The following SAMD4A variants were observed in gnomAD, a reference collection of about 807,000 sequenced individuals.
SAMD4A encodes protein Smaug homolog 1.
A neutral mutation model predicts 81.3 loss-of-function variants in SAMD4A; 33 were observed. The ratio of observed to expected loss-of-function variants is 0.41; its 90% confidence interval spans 0.31 to 0.54. The LOEUF (loss-of-function observed/expected upper bound fraction) is 0.54. Among genes scored for constraint, SAMD4A ranks in the 20% least tolerant of loss-of-function variants. The probability of loss-of-function intolerance (pLI) is 0.37; values close to 1 mark genes in which losing one functional copy is unlikely to be tolerated. For synonymous variants in SAMD4A, 389 were observed against 382.1 expected, an observed-to-expected ratio of 1.02 and a Z score of -0.21; for missense variants, 854 against 951.1, an observed-to-expected ratio of 0.90 and a Z score of 1.34.
chr14:54,735,842 G>GA (rs1245223891), intron 3 of SAMD4A, among the ~76,000 whole-genome samples: 3 of 152,232 alleles, frequency 2.0e-5, no homozygotes, highest in Non-Finnish European at 4.4e-5. Flanking sequence ...TCTGCTTACT[G>GA]AAAAACACAG....
At chr14:54,631,846 A>C (rs1325311325) in intron 2 of SAMD4A, among the ~76,000 whole-genome samples, 1 of 152,220 alleles carries the variant, frequency 6.6e-6, no homozygotes, top group Non-Finnish European at 1.5e-5. Context: ...TATACTAAGA[A>C]ACTTAAGTGT....
At chr14:54,651,951 A>G (rs969676089) in intron 2 of SAMD4A, among the ~76,000 whole-genome samples, 3 of 152,228 alleles carry the variant, frequency 2.0e-5, no homozygotes, top group African/African-American at 4.8e-5. Context: ...GGTTTAATTT[A>G]TCTTGCTCCT....
chr14:54,705,196 T>C (rs1254444800), intron 3 of SAMD4A, among the ~76,000 whole-genome samples: 4 of 140,348 alleles, frequency 2.9e-5, no homozygotes, highest in African/African-American at 2.6e-5. Context: ...GATGAATAAA[T>C]GAAAGAAACT....
chr14:54,705,244 T>C (rs1460706259), intron 3 of SAMD4A, among the ~76,000 whole-genome samples: 1 of 152,190 alleles, frequency 6.6e-6, no homozygotes, highest in Non-Finnish European at 1.5e-5. Context: ...AACACTGATA[T>C]GCAGAGTCTT....
intron 2 of SAMD4A, among the ~76,000 whole-genome samples, chr14:54,604,490 T>G (rs2034145923): frequency 6.6e-6 from 1 of 152,178 alleles, no homozygotes; most frequent in South Asian, 2.1e-4. Flanking sequence ...GAACTTCCTG[T>G]GCTAAGAAAA....
intron 2 of SAMD4A, among the ~76,000 whole-genome samples, chr14:54,695,960 A>G (rs1037231707): frequency 6.6e-6 from 1 of 151,058 alleles, no homozygotes; most frequent in African/African-American, 2.4e-5. Flanking sequence ...TCAGAAAAAA[A>G]AAAAAAAAAA....
intron 2 of SAMD4A, among the ~76,000 whole-genome samples, chr14:54,627,990 T>A (rs1298394606): frequency 6.6e-6 from 1 of 151,692 alleles, no homozygotes; most frequent in East Asian, 1.9e-4. Context: ...AGAAGAGAGG[T>A]CTGTTTATTT....
intron 2 of SAMD4A, among the ~76,000 whole-genome samples, chr14:54,599,468 T>C (rs1399325587): frequency 2.0e-5 from 3 of 152,316 alleles, no homozygotes; most frequent in African/African-American, 7.2e-5. Flanking sequence ...AAATATTTTT[T>C]CTCTGCCCTA....
At chr14:54,595,437 A>T (rs2033886548) in intron 2 of SAMD4A, among the ~76,000 whole-genome samples, 1 of 148,096 alleles carries the variant, frequency 6.8e-6, no homozygotes, top group Non-Finnish European at 1.5e-5. Context: ...ATATTATTAT[A>T]ATATATAAAA....
At chr14:54,736,714 C>A (rs2037703987) in intron 3 of SAMD4A, among the ~76,000 whole-genome samples, 1 of 152,234 alleles carries the variant, frequency 6.6e-6, no homozygotes. Context: ...CGGACCCCGT[C>A]CTATGAATCC....
chr14:54,739,055 C>CTTTTCTTTTTTTTTTTTTTTT (rs5741994), intron 4 of SAMD4A, among the ~76,000 whole-genome samples: 11 of 97,350 alleles, frequency 1.1e-4, no homozygotes, highest in Non-Finnish European at 1.6e-4. Flanking sequence ...CTTTCCTTTT[C>CTTTTCTTTTTTTTTTTTTTTT]TTTTTTTTTT....
rs1041257596 is a variant in SAMD4A, at chr14:54,791,221, G to T, written c.*2277G>T. On this transcript the variant is annotated 3_prime_UTR_variant, in exon 13 of 13. Coordinates refer to ENST00000554335, the MANE Select transcript of SAMD4A (RefSeq NM_015589.6). Reference sequence around the variant, plus strand: ...TGAAGGCCAAAGGTAAGACCAGAGGGTTTGCGAATGTGGGTTTGTAGGATA... The same window carrying T: ...TGAAGGCCAAAGGTAAGACCAGAGGTTTTGCGAATGTGGGTTTGTAGGATA... 8 of 152,334 alleles carry T rather than the reference G, an allele frequency of 5.3e-5. No individual in the cohort carries two copies. Among genetic ancestry groups the T allele is most frequent in the Middle Eastern group, 3.4e-3 (1 of 294 alleles). The allele number at this position is 152,334 out of a possible 1,614,324, so 9.4% of individuals were successfully genotyped here.
chr14:54,662,738 T>C (rs2035671454), intron 2 of SAMD4A, among the ~76,000 whole-genome samples: 1 of 152,088 alleles, frequency 6.6e-6, no homozygotes, highest in African/African-American at 2.4e-5. Context: ...ATTGATGTCT[T>C]ACATCCGTCA....
At chr14:54,709,674 C>T (rs930812958) in intron 3 of SAMD4A, among the ~76,000 whole-genome samples, 1 of 152,112 alleles carries the variant, frequency 6.6e-6, no homozygotes, top group Non-Finnish European at 1.5e-5. Context: ...TTCTTCACCA[C>T]GAGCCTGTAG....
At chr14:54,706,867 G>A (rs528471884) in intron 3 of SAMD4A, among the ~76,000 whole-genome samples, 39 of 152,172 alleles carry the variant, frequency 2.6e-4, no homozygotes, top group East Asian at 5.8e-4. Context: ...GAACTGCCCC[G>A]AAGAGGCCAA....
At chr14:54,675,781 A>G (rs1047419593) in intron 2 of SAMD4A, among the ~76,000 whole-genome samples, 1 of 152,038 alleles carries the variant, frequency 6.6e-6, no homozygotes, top group Non-Finnish European at 1.5e-5. Flanking sequence ...TGAGCTTGCC[A>G]TAATTGGCCT....
Position 54,641,475 on chromosome 14 carries a change from CT to C in SAMD4A, c.197-60580del, listed in dbSNP as rs1326857454. Reference sequence around the variant, plus strand: ...TTCTCAAAGAATAGTCTCTTTGTCTCTTTTTTTCTTTACTGCTTCACTACAC... The same window carrying C: ...TTCTCAAAGAATAGTCTCTTTGTCTCTTTTTTCTTTACTGCTTCACTACAC... On this transcript the variant is annotated intron_variant, in intron 2 of 12. Transcript: ENST00000554335. Among the ~76,000 whole-genome samples, 9 of 152,308 alleles carry C rather than the reference CT, an allele frequency of 5.9e-5. No homozygotes were observed. The East Asian group carries it at 1.2e-3, about 20-fold the overall frequency.
chr14:54,779,893 C>T (rs192331195), intron 11 of SAMD4A, among the ~76,000 whole-genome samples: 56 of 152,232 alleles, frequency 3.7e-4, no homozygotes, highest in African/African-American at 1.1e-3. Flanking sequence ...AAGTGTGGCG[C>T]CTGTGCGAAT....
At chr14:54,634,767 A>G (rs947584436) in intron 2 of SAMD4A, among the ~76,000 whole-genome samples, 77 of 151,908 alleles carry the variant, frequency 5.1e-4, no homozygotes, top group African/African-American at 1.8e-3. Flanking sequence ...CTGTCTATCT[A>G]TCTATCTATC....
Sources: allele counts gnomAD v4.1 joint callset (sites outside exome capture counted in the v4.1 genomes callset), GRCh38; gene constraint gnomAD v4.1.1; transcripts MANE v1.5; gene names NCBI Gene and HGNC (gene_info 2026-07-23, HGNC 2026-07-21).